The following SCAPER variants were observed in gnomAD, a reference collection of about 807,000 sequenced individuals.
SCAPER encodes S phase cyclin A-associated protein in the endoplasmic reticulum.
SCAPER carries 98 observed loss-of-function variants against 182.2 expected under a neutral mutation model. The ratio of observed to expected loss-of-function variants is 0.54; its 90% CI spans 0.46 to 0.64. The LOEUF (loss-of-function observed/expected upper bound fraction) is 0.64, where lower values mean the gene tolerates loss of function less well. SCAPER is among the 30% of genes least tolerant of loss of function. SCAPER has a pLI of 0.00. For synonymous variants in SCAPER, 605 were observed against 564.6 expected (o/e 1.07, Z -1.01); for missense variants, 1,432 against 1,690.0 (o/e 0.85, Z 2.68).
chr15:76,713,688 G>A (rs1299801064), intron 17 of SCAPER, among the ~76,000 whole-genome samples: 3 of 152,016 alleles, frequency 2.0e-5, no homozygotes, highest in Non-Finnish European at 4.4e-5. Context: ...TAAATGACGA[G>A]TTAGTGGGTG....
intron 8 of SCAPER, among the ~76,000 whole-genome samples, chr15:76,783,800 T>C (rs1255296208): frequency 6.6e-6 from 1 of 152,176 alleles, no homozygotes; most frequent in Non-Finnish European, 1.5e-5. Flanking sequence ...ATTATCTCAA[T>C]AGATACAGAA....
chr15:76,625,089 G>A (rs1267125782), intron 21 of SCAPER, among the ~76,000 whole-genome samples: 1 of 152,176 alleles, frequency 6.6e-6, no homozygotes, highest in Non-Finnish European at 1.5e-5. Context: ...AACAGCGGTG[G>A]ACTGGGCTGG....
intron 21 of SCAPER, among the ~76,000 whole-genome samples, chr15:76,653,921 A>G (rs911953657): frequency 6.6e-5 from 10 of 152,208 alleles, no homozygotes; most frequent in Admixed American, 6.5e-4. Context: ...GCAAAGAGAC[A>G]ACAAACAGAA....
chr15:76,672,060 C>A (rs2057057806), intron 20 of SCAPER, among the ~76,000 whole-genome samples: 1 of 151,984 alleles, frequency 6.6e-6, no homozygotes, highest in Non-Finnish European at 1.5e-5. Context: ...AAATGAGCCA[C>A]CAGGGATCCC....
At chr15:76,622,368 C>T (rs900814616) in intron 21 of SCAPER, among the ~76,000 whole-genome samples, 5 of 150,646 alleles carry the variant, frequency 3.3e-5, no homozygotes, top group South Asian at 2.1e-4. Flanking sequence ...CAGTGATCTA[C>T]GAAAAAATTA....
intron 21 of SCAPER, among the ~76,000 whole-genome samples, chr15:76,646,558 C>A (rs1401194013): frequency 6.6e-6 from 1 of 152,182 alleles, no homozygotes; most frequent in Non-Finnish European, 1.5e-5. Flanking sequence ...TATCTTCATC[C>A]TTCTGTACAA....
chr15:76,438,916 T>C (rs1169378114), intron 25 of SCAPER, among the ~76,000 whole-genome samples: 1 of 152,246 alleles, frequency 6.6e-6, no homozygotes, highest in Non-Finnish European at 1.5e-5. Flanking sequence ...GGACATTTTA[T>C]TCAAATGGTC....
At chr15:76,726,347 T>C (rs1191621805) in intron 17 of SCAPER, among the ~76,000 whole-genome samples, 1 of 148,906 alleles carries the variant, frequency 6.7e-6, no homozygotes, top group African/African-American at 2.6e-5. Context: ...AATAAGGCTA[T>C]TTTTAGAAAA....
chr15:76,426,352 C>T (rs1348366876), intron 26 of SCAPER, among the ~76,000 whole-genome samples: 2 of 152,180 alleles, frequency 1.3e-5, no homozygotes, highest in Non-Finnish European at 2.9e-5. Context: ...GCAGATTGAT[C>T]TCAGACTGCT....
chr15:76,878,970 T>G (rs1054596694), intron 2 of SCAPER, among the ~76,000 whole-genome samples: 2 of 152,160 alleles, frequency 1.3e-5, no homozygotes, highest in Non-Finnish European at 2.9e-5. Context: ...AATAAATGAT[T>G]ATACTGTGTA....
At chr15:76,794,909 A>C (rs2065224149) in intron 8 of SCAPER, among the ~76,000 whole-genome samples, 2 of 152,240 alleles carry the variant, frequency 1.3e-5, no homozygotes, top group South Asian at 4.1e-4. Context: ...ACAAAATAAC[A>C]ATCAAGTATT....
At chr15:76,420,604 CGTT>C (rs2045961057) in intron 26 of SCAPER, among the ~76,000 whole-genome samples, 1 of 152,100 alleles carries the variant, frequency 6.6e-6, no homozygotes, top group Non-Finnish European at 1.5e-5. Flanking sequence ...AATATCTCTA[CGTT>C]GTTAACTATA....
chr15:76,721,826 G>A (rs933682258), intron 17 of SCAPER, among the ~76,000 whole-genome samples: 5 of 152,252 alleles, frequency 3.3e-5, no homozygotes, highest in Non-Finnish European at 5.9e-5. Context: ...GAGATTTTGG[G>A]CTGAGACGAT....
At chr15:76,668,116 G>C (rs1031967513) in intron 20 of SCAPER, among the ~76,000 whole-genome samples, 1 of 152,028 alleles carries the variant, frequency 6.6e-6, no homozygotes, top group African/African-American at 2.4e-5. Context: ...TTGAGTAAAC[G>C]GTACCATCAT....
intron 17 of SCAPER, among the ~76,000 whole-genome samples, chr15:76,720,145 A>G (rs1472454575): frequency 2.2e-5 from 3 of 135,850 alleles, no homozygotes; most frequent in Non-Finnish European, 3.0e-5. Flanking sequence ...CGTTCTCATT[A>G]TTCAATTCCC....
intron 20 of SCAPER, among the ~76,000 whole-genome samples, chr15:76,683,035 G>A (rs894469758): frequency 6.6e-6 from 1 of 152,152 alleles, no homozygotes; most frequent in African/African-American, 2.4e-5. Flanking sequence ...AGTTCCCCGG[G>A]AATGGTTCTT....
chr15:76,504,571 A>G (rs968625700), intron 24 of SCAPER, among the ~76,000 whole-genome samples: 2 of 152,138 alleles, frequency 1.3e-5, no homozygotes, highest in Non-Finnish European at 2.9e-5. Context: ...ATTTTGCTCA[A>G]TTTTTGGAAG....
chr15:76,565,723 A>T (rs1186545118), intron 23 of SCAPER, among the ~76,000 whole-genome samples: 2 of 152,168 alleles, frequency 1.3e-5, no homozygotes, highest in Non-Finnish European at 2.9e-5. Flanking sequence ...GTTTCTTTTT[A>T]AAAAATACAA....
intron 25 of SCAPER, among the ~76,000 whole-genome samples, chr15:76,455,656 ATTTTTAT>A (rs890502099): frequency 8.6e-5 from 13 of 152,046 alleles, no homozygotes; most frequent in East Asian, 1.9e-4. Context: ...AACTTTTTTA[ATTTTTAT>A]TTTTTATTTT....
Sources: gnomAD v4.1 joint callset for allele counts (sites outside exome capture counted in the v4.1 genomes callset) on GRCh38, gnomAD v4.1.1 for gene constraint, MANE v1.5 for transcripts, NCBI Gene and HGNC (gene_info 2026-07-23, HGNC 2026-07-21) for gene names.